ROR1: variants seen among roughly 807,000 people sequenced by gnomAD.
ROR1 encodes the protein ROR family WNT receptor 1, also known as inactive tyrosine-protein kinase transmembrane receptor ROR1.
Under a neutral mutation model 78.8 loss-of-function variants are expected in ROR1, and 19 were observed. The ratio of observed to expected loss-of-function variants is 0.24; its 90% confidence interval spans 0.17 to 0.35. The LOEUF (loss-of-function observed/expected upper bound fraction) is 0.35, where lower values mean the gene tolerates loss of function less well. ROR1 is among the 10% of genes least tolerant of loss of function. The probability of loss-of-function intolerance (pLI) is 1.00; values close to 1 mark genes in which losing one functional copy is unlikely to be tolerated. For synonymous variants in ROR1, 386 were observed against 433.6 expected, an observed-to-expected ratio of 0.89 and a Z score of 1.36; for missense variants, 917 against 1,177.8, an observed-to-expected ratio of 0.78 and a Z score of 3.24.
chr1:64,156,655 C>T (rs1013471401), intron 7 of ROR1, among the ~76,000 whole-genome samples: 2 of 147,004 alleles, frequency 1.4e-5, no homozygotes, highest in Non-Finnish European at 3.0e-5. Context: ...TGCAGTGAGC[C>T]GAGATCGCAC....
intron 1 of ROR1, among the ~76,000 whole-genome samples, chr1:63,901,607 GAA>G (rs67734570): frequency 4.1e-5 from 6 of 147,366 alleles, no homozygotes; most frequent in East Asian, 2.0e-4. Context: ...ATTTAATTTG[GAA>G]AAAAAAAAAC....
intron 2 of ROR1, among the ~76,000 whole-genome samples, chr1:64,011,006 A>G (rs947715791): frequency 1.3e-5 from 2 of 152,146 alleles, no homozygotes; most frequent in East Asian, 3.8e-4. Flanking sequence ...CTACTAATAC[A>G]TTCACTGTAA....
chr1:64,124,466 G>A (rs188843015), intron 4 of ROR1, among the ~76,000 whole-genome samples: 141 of 151,502 alleles, frequency 9.3e-4, no homozygotes, highest in Non-Finnish European at 3.4e-4. Context: ...TTCTAGGCCC[G>A]GTTTTTTCCT....
chr1:63,787,472 T>C (rs902040508), intron 1 of ROR1, among the ~76,000 whole-genome samples: 1 of 142,378 alleles, frequency 7.0e-6, no homozygotes, highest in African/African-American at 2.8e-5. Flanking sequence ...CTTCCTTCCT[T>C]CCTTCCTTCC....
intron 7 of ROR1, among the ~76,000 whole-genome samples, chr1:64,146,259 T>A (rs1649470439): frequency 6.6e-6 from 1 of 152,156 alleles, no homozygotes; most frequent in African/African-American, 2.4e-5. Flanking sequence ...GCAGATCACT[T>A]GAGGTCAGGA....
At chr1:64,128,050 A>G (rs1018627932) in intron 4 of ROR1, among the ~76,000 whole-genome samples, 12 of 152,130 alleles carry the variant, frequency 7.9e-5, no homozygotes, top group African/African-American at 2.9e-4. Flanking sequence ...TGAGGGAAGA[A>G]AGTGGTCAAA....
chr1:64,169,688 G>A (rs965158449), intron 8 of ROR1, among the ~76,000 whole-genome samples: 1 of 152,274 alleles, frequency 6.6e-6, no homozygotes, highest in Middle Eastern at 3.4e-3. Context: ...GAAGTCCACA[G>A]TCCAAAGTCT....
intron 1 of ROR1, among the ~76,000 whole-genome samples, chr1:64,003,588 A>G (rs557125256): frequency 4.6e-5 from 7 of 152,294 alleles, no homozygotes; most frequent in Admixed American, 2.6e-4. Context: ...CTCTCTCCTC[A>G]GTAAGTCAGC....
chr1:64,089,338 T>G (rs1445297593), intron 4 of ROR1, among the ~76,000 whole-genome samples: 1 of 152,104 alleles, frequency 6.6e-6, no homozygotes, highest in East Asian at 1.9e-4. Flanking sequence ...GCCTCCCCAG[T>G]AGCTGGGACT....
At chr1:63,964,425 A>C (rs1459646263) in intron 1 of ROR1, among the ~76,000 whole-genome samples, 1 of 152,216 alleles carries the variant, frequency 6.6e-6, no homozygotes, top group Non-Finnish European at 1.5e-5. Context: ...GTTTATATAA[A>C]AACTGACATA....
Position 63,785,521 on chromosome 1 carries a change from ATTT to A in ROR1, c.91+11014_91+11016del, listed in dbSNP as rs1469128884. Among the ~76,000 whole-genome samples, 425 of 146,550 alleles carry A rather than the reference ATTT, an allele frequency of 2.9e-3. 3 individuals carry two copies. The highest frequency in any genetic ancestry group is 9.6e-3 in the African/African-American group (373 of 39,048). On this transcript the variant is annotated intron_variant, in intron 1 of 8. Coordinates refer to ENST00000371079, the MANE Select transcript of ROR1 (RefSeq NM_005012.4). ...ATTTTATTTATTTATTTATTTATTT[ATTT>A]ATTTAATTTTTTTTTTGAGACGGAG...
At chr1:63,995,137 C>T (rs1646327017) in intron 1 of ROR1, among the ~76,000 whole-genome samples, 1 of 152,176 alleles carries the variant, frequency 6.6e-6, no homozygotes, top group African/African-American at 2.4e-5. Flanking sequence ...CAAACTGTTT[C>T]CATCAGATGT....
intron 1 of ROR1, among the ~76,000 whole-genome samples, chr1:63,789,709 G>C (rs1644714112): frequency 6.9e-6 from 1 of 144,210 alleles, no homozygotes; most frequent in South Asian, 2.2e-4. Context: ...CTTTAAACAG[G>C]CACTGTCACT....
rs552087005 is a variant in ROR1, at chr1:63,801,594, C to T, written c.91+27086C>T. ...ACAGATGTGAGCCACTGTGCCTGGC[C>T]GGGTATCATGTATTTTTTAAACACC... On this transcript the variant is annotated intron_variant, in intron 1 of 8. Transcript: ENST00000371079. Among the ~76,000 whole-genome samples the T allele has an allele frequency of 5.2e-4, 79 of 152,164 alleles. No homozygotes were observed. The South Asian group carries it at 0.014, about 26-fold the overall frequency.
At chr1:64,040,488 T>C (rs1450108507) in intron 2 of ROR1, among the ~76,000 whole-genome samples, 1 of 152,158 alleles carries the variant, frequency 6.6e-6, no homozygotes, top group Non-Finnish European at 1.5e-5. Flanking sequence ...GTAAAATAGA[T>C]ACAAAAATAC....
At chr1:63,893,715 C>T (rs987380523) in intron 1 of ROR1, among the ~76,000 whole-genome samples, 6 of 152,076 alleles carry the variant, frequency 3.9e-5, no homozygotes, top group African/African-American at 9.7e-5. Context: ...TCAAAAGTAT[C>T]GGTAATCTCT....
intron 1 of ROR1, among the ~76,000 whole-genome samples, chr1:63,888,766 A>T (rs1645374493): frequency 6.6e-6 from 1 of 152,214 alleles, no homozygotes; most frequent in Non-Finnish European, 1.5e-5. Context: ...GATATAATTT[A>T]AATTTTTATA....
chr1:63,868,098 A>G (rs1346684723), intron 1 of ROR1, among the ~76,000 whole-genome samples: 3 of 152,152 alleles, frequency 2.0e-5, no homozygotes, highest in Non-Finnish European at 4.4e-5. Flanking sequence ...GACATTCTAT[A>G]ATTAAAGATT....
intron 4 of ROR1, among the ~76,000 whole-genome samples, chr1:64,073,824 G>A (rs141807801): frequency 5.9e-4 from 89 of 151,960 alleles, no homozygotes; most frequent in Middle Eastern, 3.4e-3. Flanking sequence ...TTAACACAAT[G>A]TGTGGGAAAG....
Sources: allele counts gnomAD v4.1 joint callset (sites outside exome capture counted in the v4.1 genomes callset), GRCh38; gene constraint gnomAD v4.1.1; transcripts MANE v1.5; gene names NCBI Gene and HGNC (gene_info 2026-07-23, HGNC 2026-07-21).